The following PAQR8 variants were observed in gnomAD, a reference collection of about 807,000 sequenced individuals.
PAQR8 encodes membrane progestin receptor beta.
In PAQR8, 17 loss-of-function variants were observed where a neutral mutation model predicts 25.2. The ratio of observed to expected loss-of-function variants is 0.67; its 90% CI spans 0.46 to 1.01. The LOEUF is 1.01. Ranked by LOEUF, PAQR8 falls within the 50% of genes least tolerant of loss-of-function variation. The probability of loss-of-function intolerance (pLI) is 0.00; values close to 1 mark genes in which losing one functional copy is unlikely to be tolerated. For synonymous variants in PAQR8, 204 were observed against 190.6 expected, an observed-to-expected ratio of 1.07 and a Z score of -0.58; for missense variants, 392 against 448.4, an observed-to-expected ratio of 0.87 and a Z score of 1.14.
rs544494446 is a variant in PAQR8, at chr6:52,406,806, G to A, written c.*2528G>A. ...TTGAACTCCTGAACTCAAGTGATCCGCCCACCTCAGCCTCCCAAAGTGTTG... is the reference window on the plus strand; with the variant it reads ...TTGAACTCCTGAACTCAAGTGATCCACCCACCTCAGCCTCCCAAAGTGTTG... On this transcript the variant is annotated 3_prime_UTR_variant, in exon 2 of 2. Coordinates refer to ENST00000442253, the MANE Select transcript of PAQR8 (RefSeq NM_133367.5). 54 of 351,428 alleles carry A rather than the reference G, an allele frequency of 1.5e-4. No homozygotes were observed. The highest frequency in any genetic ancestry group is 6.6e-4 in the African/African-American group (31 of 47,290). The allele number at this position is 351,428 out of a possible 1,614,324, so 21.8% of individuals were successfully genotyped here.
chr6:52,398,007 C>A, intron 1 of PAQR8, among the ~76,000 whole-genome samples: 1 of 152,108 alleles, frequency 6.6e-6, no homozygotes, highest in East Asian at 1.9e-4. Context: ...GCAGACCCCA[C>A]TTGACAGTGG....
intron 1 of PAQR8, among the ~76,000 whole-genome samples, chr6:52,388,700 CTG>C (rs931597256): frequency 3.8e-4 from 58 of 152,168 alleles, no homozygotes; most frequent in Admixed American, 2.0e-4. Context: ...CCTCTAGAAA[CTG>C]TGAAAAATAG....
At position 52,406,457 on chromosome 6, in the gene PAQR8, A is replaced by G. The variant is rs1326123427; in HGVS notation, c.*2179A>G. 2 of 413,422 alleles carry G rather than the reference A, an allele frequency of 4.8e-6. No individual in the cohort carries two copies. Among genetic ancestry groups the G allele is most frequent in the East Asian group, 3.6e-5 (1 of 28,098 alleles). The allele number at this position is 413,422 out of a possible 1,614,324, so 25.6% of individuals were successfully genotyped here. ...TGCACAGACCAGTGCCAATCTGAACATTGTTAATGGCCTGTGACATGATGA... is the reference window on the plus strand; with the variant it reads ...TGCACAGACCAGTGCCAATCTGAACGTTGTTAATGGCCTGTGACATGATGA... On this transcript the variant is annotated 3_prime_UTR_variant, in exon 2 of 2. Transcript: ENST00000442253.
chr6:52,400,950 T>C (rs1440043546), intron 1 of PAQR8, among the ~76,000 whole-genome samples: 2 of 152,230 alleles, frequency 1.3e-5, no homozygotes, highest in Non-Finnish European at 2.9e-5. Flanking sequence ...ACTACGCACT[T>C]ACCTTGGGCT....
intron 1 of PAQR8, among the ~76,000 whole-genome samples, chr6:52,388,881 G>A (rs1763663867): frequency 6.6e-6 from 1 of 152,162 alleles, no homozygotes; most frequent in African/African-American, 2.4e-5. Flanking sequence ...AGTGGGTTTT[G>A]CCAGGCACAG....
In PAQR8 at chr6:52,403,677, A is replaced by G. The variant is rs765371403; in HGVS notation, c.464A>G (p.Gln155Arg). 1 of 1,614,202 alleles carries G rather than the reference A, an allele frequency of 6.2e-7. No homozygotes were observed. Among genetic ancestry groups the G allele is most frequent in the Admixed American group, 1.7e-5 (1 of 60,030 alleles). ...GACTATGTTGGCGTGAGCGTTTACCAATATGGCAGTGCTTTGGCTCATTTC... is the reference window on the plus strand; with the variant it reads ...GACTATGTTGGCGTGAGCGTTTACCGATATGGCAGTGCTTTGGCTCATTTC... Reference protein sequence around the residue: ...FVDYVGVSVYQYGSALAHFFY... With the variant: ...FVDYVGVSVYRYGSALAHFFY... The change falls in exon 2 of 2, where the codon CAA becomes CGA. Residue 155 changes from glutamine to arginine, a missense_variant. Physicochemically the swap from Gln to Arg is conservative, Grantham distance 43. Coordinates refer to ENST00000442253, the MANE Select transcript of PAQR8 (RefSeq NM_133367.5).
At position 52,404,591 on chromosome 6, in the gene PAQR8, C is replaced by T. The variant is rs1763885817; in HGVS notation, c.*313C>T. 2 of 253,874 alleles carry T rather than the reference C, an allele frequency of 7.9e-6. No individual in the cohort carries two copies. Among genetic ancestry groups the T allele is most frequent in the Non-Finnish European group, 1.6e-5 (2 of 122,122 alleles). The allele number at this position is 253,874 out of a possible 1,614,324, so 15.7% of individuals were successfully genotyped here. ...AAATTTAGCAAAATTCCGACTATGG[C>T]CTCCAGGGGCAATTCCTAAAAGCTG... On this transcript the variant is annotated 3_prime_UTR_variant, in exon 2 of 2. Transcript: ENST00000442253.
chr6:52,403,177 C>T lies in PAQR8; in HGVS notation c.-37C>T, dbSNP rs1426326319. On this transcript the variant is annotated 5_prime_UTR_variant, in exon 2 of 2. Transcript: ENST00000442253. ...TTTTCTGCAGGTTGCATACCCTGTC[C>T]TGAGGGCGCGGCACGGAGTGCATGC... 1.9e-6 allele frequency: 3 copies of T among 1,559,312 alleles called. No homozygotes were observed. Among genetic ancestry groups the T allele is most frequent in the South Asian group, 1.1e-5 (1 of 87,274 alleles).
At chr6:52,370,113 A>C (rs933549298) in intron 1 of PAQR8, among the ~76,000 whole-genome samples, 1 of 151,786 alleles carries the variant, frequency 6.6e-6, no homozygotes, top group South Asian at 2.1e-4. Flanking sequence ...CTGAATAATG[A>C]CTTGTTTATG....
intron 1 of PAQR8, among the ~76,000 whole-genome samples, chr6:52,367,630 C>T (rs72927456): frequency 6.6e-6 from 1 of 152,310 alleles, no homozygotes; most frequent in Non-Finnish European, 1.5e-5. Context: ...GGGCCTCCAG[C>T]GTCTCTGGTA....
intron 1 of PAQR8, among the ~76,000 whole-genome samples, chr6:52,372,142 C>G (rs899228957): frequency 5.3e-5 from 8 of 152,068 alleles, no homozygotes; most frequent in African/African-American, 1.9e-4. Flanking sequence ...CCTGTGAAAC[C>G]ACATACATGT....
intron 1 of PAQR8, among the ~76,000 whole-genome samples, chr6:52,380,104 CA>C (rs1183238800): frequency 1.3e-5 from 2 of 152,126 alleles, no homozygotes; most frequent in Non-Finnish European, 2.9e-5. Flanking sequence ...TGTTAAGTCA[CA>C]AGGTGATAAG....
At chr6:52,377,841 T>G (rs1763502920) in intron 1 of PAQR8, among the ~76,000 whole-genome samples, 3 of 152,096 alleles carry the variant, frequency 2.0e-5, no homozygotes, top group Admixed American at 2.0e-4. Context: ...GTATCTCTAT[T>G]AGCCAAACTT....
chr6:52,374,461 G>A (rs1202154652), intron 1 of PAQR8, among the ~76,000 whole-genome samples: 1 of 152,162 alleles, frequency 6.6e-6, no homozygotes, highest in Non-Finnish European at 1.5e-5. Context: ...TGCCCAGGCT[G>A]TAAGTACAGT....
chr6:52,379,570 G>A (rs1481089670), intron 1 of PAQR8, among the ~76,000 whole-genome samples: 3 of 149,568 alleles, frequency 2.0e-5, no homozygotes, highest in African/African-American at 7.4e-5. Context: ...TCCTGCCTCA[G>A]CCTCCCGAGT....
At chr6:52,367,825 T>C (rs952780877) in intron 1 of PAQR8, among the ~76,000 whole-genome samples, 2 of 152,192 alleles carry the variant, frequency 1.3e-5, no homozygotes, top group African/African-American at 4.8e-5. Context: ...TGATTGAACT[T>C]ATTATCTCCC....
In PAQR8 at chr6:52,385,194, T is replaced by G. The variant is rs539485838; in HGVS notation, c.-52-17968T>G. Among the ~76,000 whole-genome samples the G allele has an allele frequency of 5.9e-5, 9 of 152,208 alleles. No individual in the cohort carries two copies. In the East Asian group the frequency reaches 7.8e-4, roughly 13 times the overall value. On this transcript the variant is annotated intron_variant, in intron 1 of 1. Coordinates refer to ENST00000442253, the MANE Select transcript of PAQR8 (RefSeq NM_133367.5). Reference sequence around the variant, plus strand: ...GTGGTAGTGAATAAGTCTCACAAGATCTCATGGTTTTATTAGGGGAAACCC... The same window carrying G: ...GTGGTAGTGAATAAGTCTCACAAGAGCTCATGGTTTTATTAGGGGAAACCC...
intron 1 of PAQR8, among the ~76,000 whole-genome samples, chr6:52,374,016 TA>T (rs1261922243): frequency 6.6e-6 from 1 of 152,114 alleles, no homozygotes; most frequent in African/African-American, 2.4e-5. Flanking sequence ...TCTGGTTGTC[TA>T]AAAGTATGTG....
intron 1 of PAQR8, among the ~76,000 whole-genome samples, chr6:52,384,651 G>GA (rs1299958577): frequency 2.0e-5 from 3 of 151,868 alleles, no homozygotes; most frequent in East Asian, 1.9e-4. Context: ...TTCTAAGTTA[G>GA]AAAAAGAATA....
Sources: allele counts gnomAD v4.1 joint callset (sites outside exome capture counted in the v4.1 genomes callset), GRCh38; gene constraint gnomAD v4.1.1; transcripts MANE v1.5; gene names NCBI Gene and HGNC (gene_info 2026-07-23, HGNC 2026-07-21).